Variants in MEF2C observed in about 807,000 individuals in gnomAD.
MEF2C encodes the protein myocyte enhancer factor 2C.
MEF2C carries 6 observed loss-of-function variants against 50.5 expected under a neutral mutation model. That is an observed-to-expected ratio of 0.12 (90% CI 0.07 to 0.23). MEF2C has a LOEUF of 0.23. MEF2C is among the 10% of genes least tolerant of loss of function. MEF2C has a pLI of 1.00. For missense variants in MEF2C, 276 were observed against 605.0 expected (o/e 0.46, Z 5.70); for synonymous variants, 183 against 228.0 (o/e 0.80, Z 1.78).
intron 3 of MEF2C, chr5:88,772,978 C>A (rs546649119): frequency 3.9e-5 from 34 of 872,534 alleles, no homozygotes; most frequent in Non-Finnish European, 4.7e-5. Context: ...CTGCTCAATA[C>A]CCATATTGTT....
intron 1 of MEF2C, among the ~76,000 whole-genome samples, chr5:88,889,771 C>T (rs925319907): frequency 3.9e-5 from 6 of 151,994 alleles, no homozygotes; most frequent in African/African-American, 1.5e-4. Context: ...GTGGCAGTGC[C>T]GGGGTAGTTG....
At chr5:88,843,073 A>C (rs1817944559) in intron 1 of MEF2C, among the ~76,000 whole-genome samples, 1 of 152,110 alleles carries the variant, frequency 6.6e-6, no homozygotes, top group Non-Finnish European at 1.5e-5. Flanking sequence ...GGGAGCTACA[A>C]AAGACGGAGT....
intron 2 of MEF2C, among the ~76,000 whole-genome samples, chr5:88,820,191 A>G (rs1215678604): frequency 6.6e-6 from 1 of 151,998 alleles, no homozygotes; most frequent in Non-Finnish European, 1.5e-5. Context: ...TACTTGCTTA[A>G]GAAATCCATG....
rs398109145 is a variant in MEF2C at position 88,720,348 on chromosome 5, T to TA, written c.*2255dup. 3 of 152,252 alleles carry TA rather than the reference T, an allele frequency of 2.0e-5. No homozygotes were observed. The highest frequency in any genetic ancestry group is 7.3e-5 in the African/African-American group (3 of 41,344). The allele number at this position is 152,252 out of a possible 1,614,324, so 9.4% of individuals were successfully genotyped here. A position where few individuals can be genotyped will look rare whatever the true frequency, so the allele number is the denominator to read the frequency against. On this transcript the variant is annotated 3_prime_UTR_variant, in exon 11 of 11. Transcript: ENST00000504921. Reference sequence around the variant, plus strand: ...AAATGGTTGATAGATTTTTTTTTTTTAATATATAAAACATTAGTACAAGGC... The same window carrying TA: ...AAATGGTTGATAGATTTTTTTTTTTTAAATATATAAAACATTAGTACAAGGC...
intron 1 of MEF2C, among the ~76,000 whole-genome samples, chr5:88,872,028 T>C (rs920478272): frequency 6.6e-6 from 1 of 152,092 alleles, no homozygotes; most frequent in Non-Finnish European, 1.5e-5. Flanking sequence ...GTACCTATTA[T>C]ATGCAAGAGT....
intron 1 of MEF2C, among the ~76,000 whole-genome samples, chr5:88,875,424 A>G (rs1043467719): frequency 2.0e-5 from 3 of 152,052 alleles, no homozygotes; most frequent in African/African-American, 4.8e-5. Flanking sequence ...GCTAATTTGC[A>G]TCACAAAATG....
At chr5:88,894,316 C>G (rs1458605695) in intron 1 of MEF2C, among the ~76,000 whole-genome samples, 2 of 152,166 alleles carry the variant, frequency 1.3e-5, no homozygotes, top group Non-Finnish European at 2.9e-5. Context: ...AGCTATGATG[C>G]TATACTGCTT....
At chr5:88,814,627 G>A (rs1193288281) in intron 2 of MEF2C, among the ~76,000 whole-genome samples, 2 of 152,032 alleles carry the variant, frequency 1.3e-5, no homozygotes, top group East Asian at 1.9e-4. Flanking sequence ...GGGGCTTAGA[G>A]TGTGGAATTT....
intron 1 of MEF2C, among the ~76,000 whole-genome samples, chr5:88,836,965 A>G (rs1045472801): frequency 6.8e-6 from 1 of 146,514 alleles, no homozygotes; most frequent in South Asian, 2.2e-4. Flanking sequence ...TGGATTCCAG[A>G]GATTACTGGT....
chr5:88,749,370 T>C, intron 5 of MEF2C: 1 of 984,952 alleles, frequency 1.0e-6, no homozygotes, highest in Non-Finnish European at 1.2e-6. Flanking sequence ...CAGTCTTTGG[T>C]CTCTGCATTT....
intron 1 of MEF2C, among the ~76,000 whole-genome samples, chr5:88,848,957 C>T (rs954312402): frequency 6.6e-6 from 1 of 151,944 alleles, no homozygotes; most frequent in Non-Finnish European, 1.5e-5. Flanking sequence ...TCGAGACCAG[C>T]CTGACCAACA....
intron 3 of MEF2C, chr5:88,761,577 G>C: frequency 2.5e-6 from 1 of 398,432 alleles, no homozygotes; most frequent in East Asian, 4.4e-5. Flanking sequence ...AAGGACTCAA[G>C]TTTCATGATA....
chr5:88,800,454 T>C (rs923485848), intron 3 of MEF2C, among the ~76,000 whole-genome samples: 2 of 152,230 alleles, frequency 1.3e-5, no homozygotes, highest in African/African-American at 4.8e-5. Flanking sequence ...TCAGAGTCTC[T>C]TCCACAGTGC....
chr5:88,868,223 A>G (rs1193059758), intron 1 of MEF2C, among the ~76,000 whole-genome samples: 1 of 152,206 alleles, frequency 6.6e-6, no homozygotes, highest in African/African-American at 2.4e-5. Flanking sequence ...AGCTGGGGGA[A>G]AAATATCTGA....
intron 6 of MEF2C, among the ~76,000 whole-genome samples, chr5:88,746,022 G>C (rs527661550): frequency 6.6e-6 from 1 of 152,344 alleles, no homozygotes; most frequent in Non-Finnish European, 1.5e-5. Context: ...TAGAGCTGGA[G>C]GGCCGGGTTC....
chr5:88,848,465 A>G (rs1001829225), intron 1 of MEF2C, among the ~76,000 whole-genome samples: 1 of 152,186 alleles, frequency 6.6e-6, no homozygotes, highest in Non-Finnish European at 1.5e-5. Context: ...CATAGTAATG[A>G]TAATAGGCAA....
rs757188352 is a variant in MEF2C at position 88,731,900 on chromosome 5, C to G, written c.639G>C (p.Gly213=). Residue 213 remains glycine (G), a splice_region_variant and synonymous_variant, in exon 7 of 11, where the codon GGG becomes GGC. Coordinates refer to ENST00000504921, the MANE Select transcript of MEF2C (RefSeq NM_002397.5). ...DLTSGAGTSA[G]NGYGNPRNSP... ...AGTTTCGGGGATTGCCATACCCGTT[C>G]CCTGTTAACAAAAAACAATAAAGCA... 20 of 1,604,894 alleles carry G rather than the reference C, an allele frequency of 1.2e-5. No individual in the cohort carries two copies. Among genetic ancestry groups the G allele is most frequent in the Non-Finnish European group, 1.7e-5 (20 of 1,174,868 alleles).
intron 4 of MEF2C, among the ~76,000 whole-genome samples, chr5:88,756,520 A>G (rs995222944): frequency 6.6e-6 from 1 of 152,250 alleles, no homozygotes; most frequent in Admixed American, 6.5e-5. Flanking sequence ...CAGAATAAAC[A>G]CTAGCCTTTC....
At position 88,717,839 on chromosome 5, in the gene MEF2C, G is replaced by C. The variant is rs765763074; in HGVS notation, c.*4765C>G. 2.6e-5 allele frequency: 4 copies of C among 151,876 alleles called. No individual in the cohort carries two copies. The East Asian group carries it at 5.8e-4, about 22-fold the overall frequency. 9.4% of individuals were successfully genotyped at this position (151,876 alleles called of 1,614,324 possible). Reference sequence around the variant, plus strand: ...GTTTTCAACTTTTAGAAATTACTTCGAAGAAGAAAAAAGGAACTCTTTTGG... The same window carrying C: ...GTTTTCAACTTTTAGAAATTACTTCCAAGAAGAAAAAAGGAACTCTTTTGG... On this transcript the variant is annotated 3_prime_UTR_variant, in exon 11 of 11. Coordinates refer to ENST00000504921, the MANE Select transcript of MEF2C (RefSeq NM_002397.5).
Sources: gnomAD v4.1 joint callset for allele counts (sites outside exome capture counted in the v4.1 genomes callset) on GRCh38, gnomAD v4.1.1 for gene constraint, MANE v1.5 for transcripts, NCBI Gene and HGNC (gene_info 2026-07-23, HGNC 2026-07-21) for gene names.